The following KPNA3 variants were observed in gnomAD, a reference collection of about 807,000 sequenced individuals.
The protein encoded by KPNA3 is importin subunit alpha-4.
A neutral mutation model predicts 73.8 loss-of-function variants in KPNA3; 13 were observed. That is an observed-to-expected ratio of 0.18 (90% CI 0.11 to 0.28). The LOEUF (loss-of-function observed/expected upper bound fraction) is 0.28. KPNA3 is among the 10% of genes least tolerant of loss of function. The probability of loss-of-function intolerance (pLI) is 1.00; values close to 1 mark genes in which losing one functional copy is unlikely to be tolerated. For missense variants in KPNA3, 360 were observed against 618.1 expected, an observed-to-expected ratio of 0.58 and a Z score of 4.43; for synonymous variants, 186 against 206.9, an observed-to-expected ratio of 0.90 and a Z score of 0.87.
chr13:49,727,958 G>A (rs563328667), intron 6 of KPNA3, among the ~76,000 whole-genome samples: 2 of 152,110 alleles, frequency 1.3e-5, no homozygotes, highest in Admixed American at 6.5e-5. Context: ...CAAGTCGGCC[G>A]GGCATGGTGG....
intron 1 of KPNA3, among the ~76,000 whole-genome samples, chr13:49,789,550 A>G (rs1054813959): frequency 6.6e-5 from 10 of 152,162 alleles, no homozygotes; most frequent in African/African-American, 2.4e-4. Flanking sequence ...GTTTTTGTCT[A>G]TCCTATATGT....
chr13:49,754,620 CAAA>C (rs3064501), intron 1 of KPNA3, among the ~76,000 whole-genome samples: 17 of 126,398 alleles, frequency 1.3e-4, no homozygotes, highest in African/African-American at 4.9e-4. Context: ...CTAGTTCTTT[CAAA>C]AAAAAAAAAA....
In KPNA3 at chr13:49,709,564, T is replaced by C. The variant is rs754966274; in HGVS notation, c.1032+8A>G. ...GAAATAGCATAATGAGGACATTATATGCCTTACCTTATTTATCTTCTCTTT... is the reference window on the plus strand; with the variant it reads ...GAAATAGCATAATGAGGACATTATACGCCTTACCTTATTTATCTTCTCTTT... On this transcript the variant is annotated splice_region_variant and intron_variant, in intron 12 of 16. Transcript: ENST00000261667. 2.9e-5 allele frequency: 47 copies of C among 1,610,392 alleles called. No individual in the cohort carries two copies. The highest frequency in any genetic ancestry group is 3.5e-5 in the Non-Finnish European group (41 of 1,177,576).
chr13:49,739,539 G>A (rs576064601), intron 2 of KPNA3, among the ~76,000 whole-genome samples: 72 of 152,312 alleles, frequency 4.7e-4, no homozygotes, highest in Non-Finnish European at 8.4e-4. Context: ...GAGCAAGGAG[G>A]TAAAAGAAAA....
At chr13:49,759,361 T>C (rs555317762) in intron 1 of KPNA3, among the ~76,000 whole-genome samples, 1 of 152,350 alleles carries the variant, frequency 6.6e-6, no homozygotes, top group South Asian at 2.1e-4. Flanking sequence ...CCAAACTTTT[T>C]GGCACCAGGG....
intron 1 of KPNA3, among the ~76,000 whole-genome samples, chr13:49,753,640 G>C (rs980495757): frequency 6.6e-6 from 1 of 152,230 alleles, no homozygotes; most frequent in Non-Finnish European, 1.5e-5. Flanking sequence ...TTAGGAGCCA[G>C]GCTGCACAGC....
intron 1 of KPNA3, among the ~76,000 whole-genome samples, chr13:49,756,325 G>A (rs1954711556): frequency 6.6e-6 from 1 of 152,160 alleles, no homozygotes; most frequent in Admixed American, 6.5e-5. Context: ...AGTGCTTTGG[G>A]AGGCCAAGGA....
At chr13:49,755,191 G>A (rs1954700186) in intron 1 of KPNA3, among the ~76,000 whole-genome samples, 1 of 152,112 alleles carries the variant, frequency 6.6e-6, no homozygotes, top group Non-Finnish European at 1.5e-5. Flanking sequence ...GTGATACAAG[G>A]CTGGTTCTGT....
intron 1 of KPNA3, among the ~76,000 whole-genome samples, chr13:49,753,481 G>A (rs1207919998): frequency 1.6e-4 from 25 of 152,174 alleles, no homozygotes; most frequent in Non-Finnish European, 1.5e-5. Context: ...ATAGAGAATG[G>A]TCACCACACA....
At chr13:49,772,015 T>A (rs1370298174) in intron 1 of KPNA3, among the ~76,000 whole-genome samples, 1 of 152,254 alleles carries the variant, frequency 6.6e-6, no homozygotes, top group Non-Finnish European at 1.5e-5. Flanking sequence ...TGATTTTGTA[T>A]ACTGATCTTG....
At chr13:49,787,619 G>A (rs1184403428) in intron 1 of KPNA3, among the ~76,000 whole-genome samples, 1 of 151,632 alleles carries the variant, frequency 6.6e-6, no homozygotes, top group Non-Finnish European at 1.5e-5. Flanking sequence ...TGATTCTCTC[G>A]CCTCAGCCTC....
At chr13:49,702,034 A>G (rs1027820808) in intron 16 of KPNA3, 136 bp from the exon 17 acceptor site, 4 of 601,852 alleles carry the variant, frequency 6.6e-6, no homozygotes, top group African/African-American at 3.8e-5. Flanking sequence ...GAGTAAATCA[A>G]TAATTTTATT....
At chr13:49,731,149 A>G (rs886479014) in intron 6 of KPNA3, among the ~76,000 whole-genome samples, 1 of 151,296 alleles carries the variant, frequency 6.6e-6, no homozygotes, top group Non-Finnish European at 1.5e-5. Flanking sequence ...ATATTGGCTC[A>G]GGACAACCTC....
intron 2 of KPNA3, among the ~76,000 whole-genome samples, chr13:49,738,479 C>G (rs192628622): frequency 1.1e-4 from 16 of 152,314 alleles, no homozygotes; most frequent in Non-Finnish European, 1.3e-4. Flanking sequence ...GGCTTCCAAT[C>G]CAAGAACACA....
rs766670710 is a variant in KPNA3 at position 49,701,573 on chromosome 13, A to C, written c.*227T>G. On this transcript the variant is annotated 3_prime_UTR_variant, in exon 17 of 17. Transcript: ENST00000261667. ...GAAAAATAGGGTAGTTGAGATTGTT[A>C]AGGAGAGTTCTAAAACAGTTTAGGA... 3 of 636,042 alleles carry C rather than the reference A, an allele frequency of 4.7e-6. No homozygotes were observed. The allele number at this position is 636,042 out of a possible 1,614,324, so 39.4% of individuals were successfully genotyped here. A position where few individuals can be genotyped will look rare whatever the true frequency, so the allele number is the denominator to read the frequency against.
chr13:49,784,871 A>C (rs1268529785), intron 1 of KPNA3, among the ~76,000 whole-genome samples: 1 of 152,226 alleles, frequency 6.6e-6, no homozygotes, highest in Non-Finnish European at 1.5e-5. Flanking sequence ...AAAAGCTCAC[A>C]ATCTAGTAGG....
At chr13:49,742,839 T>C (rs1308682122) in intron 2 of KPNA3, among the ~76,000 whole-genome samples, 5 of 152,184 alleles carry the variant, frequency 3.3e-5, no homozygotes, top group African/African-American at 9.7e-5. Context: ...TTGTCACAGA[T>C]CAGGACTTTT....
At chr13:49,741,785 C>T (rs1954576801) in intron 2 of KPNA3, among the ~76,000 whole-genome samples, 1 of 152,242 alleles carries the variant, frequency 6.6e-6, no homozygotes, top group Non-Finnish European at 1.5e-5. Flanking sequence ...AGTTTTCTTG[C>T]TATTGAGTTC....
intron 11 of KPNA3, among the ~76,000 whole-genome samples, chr13:49,710,033 G>C (rs554164106): frequency 1.3e-5 from 2 of 152,132 alleles, no homozygotes; most frequent in Admixed American, 6.5e-5. Context: ...AGGCCGAGGC[G>C]GGGGGGATCA....
Sources: gnomAD v4.1 joint callset for allele counts (sites outside exome capture counted in the v4.1 genomes callset) on GRCh38, gnomAD v4.1.1 for gene constraint, MANE v1.5 for transcripts, NCBI Gene and HGNC (gene_info 2026-07-23, HGNC 2026-07-21) for gene names.